Variants in LIPC observed in about 807,000 individuals in gnomAD.
LIPC encodes the protein hepatic triacylglycerol lipase.
A neutral mutation model predicts 50.7 loss-of-function variants in LIPC; 44 were observed. That is an observed-to-expected ratio of 0.87 (90% CI 0.68 to 1.11). The LOEUF is 1.11. LIPC is among the 50% of genes most tolerant of loss of function. The pLI is 0.00. For synonymous variants in LIPC, 271 were observed against 256.4 expected, an observed-to-expected ratio of 1.06 and a Z score of -0.54; for missense variants, 697 against 648.2, an observed-to-expected ratio of 1.08 and a Z score of -0.82.
chr15:58,545,922 CT>C lies in LIPC; in HGVS notation c.756del (p.Gly253AlafsTer5), dbSNP rs777800802. The C allele has an allele frequency of 6.2e-7, 1 of 1,614,250 alleles. No homozygotes were observed. The highest frequency in any genetic ancestry group is 1.1e-5 in the South Asian group (1 of 91,088). ...DFYPNGGSFQPGCHFLELYRH... is the reference protein window; with the variant it reads ...DFYPNGGSFQXGCHFLELYRH... ...TATCCCAACGGGGGCTCCTTCCAGC[CT>C]GGCTGCCACTTCCTAGAGCTCTACA... On this transcript the variant is annotated frameshift_variant, in exon 5 of 9. Transcript: ENST00000299022. LOFTEE classifies it high-confidence loss of function.
chr15:58,520,547 C>T (rs2140874627), intron 1 of LIPC, among the ~76,000 whole-genome samples: 1 of 152,300 alleles, frequency 6.6e-6, no homozygotes, highest in African/African-American at 2.4e-5. Context: ...AGTATACAAG[C>T]CCGCTGGAAA....
chr15:58,443,119 G>C (rs989480644), intron 1 of LIPC, among the ~76,000 whole-genome samples: 1 of 152,014 alleles, frequency 6.6e-6, no homozygotes, highest in Non-Finnish European at 1.5e-5. Flanking sequence ...CTCCATGTTG[G>C]CCAGGCTGGT....
In LIPC at chr15:58,453,903, A is replaced by G. The variant is rs187742758; in HGVS notation, c.88+21783A>G. Among the ~76,000 whole-genome samples the G allele has an allele frequency of 1.3e-4, 20 of 152,198 alleles. No individual in the cohort carries two copies. The East Asian group carries it at 3.7e-3, about 28-fold the overall frequency. On this transcript the variant is annotated intron_variant, in intron 1 of 8. Transcript: ENST00000299022. ...AGAAAAGAAAAGAAAAAGAAAAAAA[A>G]TGGATAGAATGTGGGTTCCTTAGCA...
intron 1 of LIPC, among the ~76,000 whole-genome samples, chr15:58,487,367 C>G (rs1891414992): frequency 6.6e-6 from 1 of 152,198 alleles, no homozygotes; most frequent in African/African-American, 2.4e-5. Flanking sequence ...CAACAGTTAG[C>G]AGACTGCTTG....
chr15:58,476,492 C>T (rs536244905), intron 1 of LIPC, among the ~76,000 whole-genome samples: 29 of 152,354 alleles, frequency 1.9e-4, no homozygotes, highest in Admixed American at 5.9e-4. Flanking sequence ...TGGAGTCAGT[C>T]CCCTCCTGCA....
rs146753814 is a variant in LIPC at position 58,457,100 on chromosome 15, G to A, written c.88+24980G>A. 1.9e-4 allele frequency among the ~76,000 whole-genome samples: 29 copies of A among 152,198 alleles called. No individual in the cohort carries two copies. The East Asian group carries it at 4.1e-3, about 21-fold the overall frequency. ...TGTGGGCTGAGCAGCCCTTGGCTTC[G>A]AAAACATGATTTTTTTATTATTTTT... On this transcript the variant is annotated intron_variant, in intron 1 of 8. Transcript: ENST00000299022.
intron 1 of LIPC, among the ~76,000 whole-genome samples, chr15:58,467,934 C>A (rs951618498): frequency 2.0e-5 from 3 of 152,194 alleles, no homozygotes; most frequent in Non-Finnish European, 2.9e-5. Flanking sequence ...GGAACTGCTT[C>A]TAACACAAGG....
intron 1 of LIPC, among the ~76,000 whole-genome samples, chr15:58,469,835 G>T (rs192763043): frequency 6.6e-6 from 1 of 152,138 alleles, no homozygotes; most frequent in South Asian, 2.1e-4. Context: ...GGACCTCCCC[G>T]CGGCAGCACT....
In LIPC at chr15:58,519,343, G is replaced by A. The variant is rs551626581; in HGVS notation, c.89-18990G>A. 4.5e-3 allele frequency among the ~76,000 whole-genome samples: 676 copies of A among 151,486 alleles called. 3 individuals are homozygous for A. Among genetic ancestry groups the A allele is most frequent in the African/African-American group, 0.015 (632 of 41,340 alleles). On this transcript the variant is annotated intron_variant, in intron 1 of 8. Coordinates refer to ENST00000299022, the MANE Select transcript of LIPC (RefSeq NM_000236.3). ...GGAGAATGGCGTGAACCCGGGAGGC[G>A]GAGCTTGCAGTGAGCCGAGATTGTG...
chr15:58,507,519 A>C (rs1892190222), intron 1 of LIPC, among the ~76,000 whole-genome samples: 3 of 152,248 alleles, frequency 2.0e-5, no homozygotes, highest in African/African-American at 7.2e-5. Context: ...CCCCGGCCAC[A>C]CACAAATCAG....
At chr15:58,557,612 G>A (rs1338118672) in intron 6 of LIPC, among the ~76,000 whole-genome samples, 1 of 151,866 alleles carries the variant, frequency 6.6e-6, no homozygotes, top group Non-Finnish European at 1.5e-5. Flanking sequence ...GTCTCGATCT[G>A]TTGACCTCGT....
intron 4 of LIPC, among the ~76,000 whole-genome samples, chr15:58,543,729 C>G (rs750003395): frequency 6.6e-6 from 1 of 152,076 alleles, no homozygotes; most frequent in African/African-American, 2.4e-5. Context: ...CTCTGCCTCC[C>G]GGGTTCAAGC....
At chr15:58,490,285 T>C (rs1891540458) in intron 1 of LIPC, among the ~76,000 whole-genome samples, 1 of 152,140 alleles carries the variant, frequency 6.6e-6, no homozygotes. Flanking sequence ...ACTTAACTTC[T>C]TCTAAGAGCC....
intron 1 of LIPC, among the ~76,000 whole-genome samples, chr15:58,460,288 G>T (rs1428834927): frequency 6.6e-6 from 1 of 152,240 alleles, no homozygotes; most frequent in Non-Finnish European, 1.5e-5. Context: ...AAGCAGTGAG[G>T]TAGGACTTTG....
chr15:58,535,743 A>T (rs1467598160), intron 1 of LIPC, among the ~76,000 whole-genome samples: 1 of 152,220 alleles, frequency 6.6e-6, no homozygotes, highest in African/African-American at 2.4e-5. Context: ...TGAGCTCTTT[A>T]CAAATATCTT....
intron 1 of LIPC, among the ~76,000 whole-genome samples, chr15:58,515,533 C>CACATATATATATAT (rs147594972): frequency 7.6e-4 from 107 of 141,720 alleles, no homozygotes; most frequent in Admixed American, 1.5e-3. Flanking sequence ...TATACACACA[C>CACATATATATATAT]ATATATATAT....
rs144492477 is a variant in LIPC at position 58,452,191 on chromosome 15, G to A, written c.88+20071G>A. ...CAGGCCAACAGTATCACCATGCCCCGGGAACTTGTTTGAAAGACAAATTCT... is the reference window on the plus strand; with the variant it reads ...CAGGCCAACAGTATCACCATGCCCCAGGAACTTGTTTGAAAGACAAATTCT... On this transcript the variant is annotated intron_variant, in intron 1 of 8. Transcript: ENST00000299022. Among the ~76,000 whole-genome samples the A allele has an allele frequency of 6.2e-3, 937 of 152,176 alleles. 8 individuals are homozygous for A. The highest frequency in any genetic ancestry group is 0.011 in the Non-Finnish European group (715 of 68,008).
chr15:58,494,411 T>C (rs758904246), intron 1 of LIPC, among the ~76,000 whole-genome samples: 2 of 152,222 alleles, frequency 1.3e-5, no homozygotes, highest in Non-Finnish European at 2.9e-5. Context: ...GGTGCCCAGA[T>C]TGCAGCCATA....
intron 1 of LIPC, among the ~76,000 whole-genome samples, chr15:58,527,584 T>C (rs1205658293): frequency 6.6e-6 from 1 of 152,218 alleles, no homozygotes; most frequent in Non-Finnish European, 1.5e-5. Context: ...AGCCACCTTA[T>C]GGCTGGGTGG....
Sources: gnomAD v4.1 joint callset for allele counts (sites outside exome capture counted in the v4.1 genomes callset) on GRCh38, gnomAD v4.1.1 for gene constraint, MANE v1.5 for transcripts, NCBI Gene and HGNC (gene_info 2026-07-23, HGNC 2026-07-21) for gene names.